The following HMCN1 variants were observed in gnomAD, a reference collection of about 807,000 sequenced individuals.
HMCN1 encodes the protein hemicentin-1.
HMCN1 carries 321 observed loss-of-function variants against 625.9 expected under a neutral mutation model. The ratio of observed to expected loss-of-function variants is 0.51; its 90% CI spans 0.47 to 0.56. HMCN1 has a LOEUF of 0.56. HMCN1 is among the 20% of genes least tolerant of loss of function. The probability of loss-of-function intolerance (pLI) is 0.00; values close to 1 mark genes in which losing one functional copy is unlikely to be tolerated. For missense variants in HMCN1, 6,588 were observed against 6,887.3 expected (o/e 0.96, Z 1.54); for synonymous variants, 2,425 against 2,417.6 (o/e 1.00, Z -0.09).
At chr1:186,166,988 T>C in intron 100 of HMCN1, 46 bp downstream of exon 100, 1 of 1,612,506 alleles carries the variant, frequency 6.2e-7, no homozygotes, top group South Asian at 1.1e-5. Flanking sequence ...CAGTAAGAAT[T>C]AGACCCACCT....
intron 4 of HMCN1, among the ~76,000 whole-genome samples, chr1:185,882,666 G>T (rs1664381217): frequency 1.3e-5 from 2 of 151,888 alleles, no homozygotes; most frequent in Admixed American, 1.3e-4. Flanking sequence ...ATAATACTTA[G>T]CTTTTATGAT....
chr1:186,122,958 A>C lies in HMCN1; in HGVS notation c.12237A>C (p.Pro4079=), dbSNP rs773476618. The change falls in exon 81 of 107, where the codon CCA becomes CCC. Residue 4079 remains proline, a synonymous_variant. Coordinates refer to ENST00000271588, the MANE Select transcript of HMCN1 (RefSeq NM_031935.3). The part of the protein sequence containing the change: ...GKIKLNVQVP[P]VISPHLKEYV... The stretch of plus-strand genomic sequence containing the variant: ...ATTTTTTGTATATTTTAGTTCCTCC[A>C]GTCATTAGCCCTCATCTAAAGGAAT... 12 of 1,613,658 alleles carry C rather than the reference A, an allele frequency of 7.4e-6. No individual in the cohort carries two copies. In the East Asian group the frequency reaches 2.2e-4, roughly 30 times the overall value.
intron 30 of HMCN1, among the ~76,000 whole-genome samples, chr1:186,009,493 A>G (rs1653854615): frequency 6.6e-6 from 1 of 152,182 alleles, no homozygotes; most frequent in African/African-American, 2.4e-5. Flanking sequence ...TGAAAAAAAA[A>G]AGTAAAACAG....
At chr1:185,840,193 A>G (rs1160127539) in intron 1 of HMCN1, among the ~76,000 whole-genome samples, 2 of 152,228 alleles carry the variant, frequency 1.3e-5, no homozygotes, top group South Asian at 2.1e-4. Context: ...TATGGAACGC[A>G]TGTATTGTAG....
At chr1:185,872,139 A>T (rs1248003818) in intron 4 of HMCN1, among the ~76,000 whole-genome samples, 1 of 152,214 alleles carries the variant, frequency 6.6e-6, no homozygotes, top group Non-Finnish European at 1.5e-5. Flanking sequence ...CCTGTGGAAA[A>T]TGGAATGGAG....
At chr1:186,084,928 A>G (rs1351228485) in intron 57 of HMCN1, among the ~76,000 whole-genome samples, 1 of 152,074 alleles carries the variant, frequency 6.6e-6, no homozygotes, top group Non-Finnish European at 1.5e-5. Flanking sequence ...TCAAAATTAC[A>G]CAGCTTGCAA....
chr1:186,043,788 G>A (rs1656366617), intron 40 of HMCN1, among the ~76,000 whole-genome samples: 1 of 152,070 alleles, frequency 6.6e-6, no homozygotes, highest in African/African-American at 2.4e-5. Context: ...GCACTAATTA[G>A]GCCAGGTGCA....
At chr1:186,172,474 T>C (rs1558280479) in intron 102 of HMCN1, among the ~76,000 whole-genome samples, 1 of 152,146 alleles carries the variant, frequency 6.6e-6, no homozygotes, top group Non-Finnish European at 1.5e-5. Context: ...GAAAGAAAAA[T>C]TATGTCTGTA....
At chr1:185,888,712 C>T (rs1244216282) in intron 4 of HMCN1, among the ~76,000 whole-genome samples, 4 of 146,728 alleles carry the variant, frequency 2.7e-5, no homozygotes, top group Admixed American at 1.3e-4. Context: ...GTTACTGTAG[C>T]CTTGTAGTAT....
intron 11 of HMCN1, among the ~76,000 whole-genome samples, chr1:185,952,800 G>A (rs1203203421): frequency 6.6e-6 from 1 of 151,650 alleles, no homozygotes; most frequent in African/African-American, 2.4e-5. Flanking sequence ...GGCAAGCCTA[G>A]AGAAAAAGAG....
intron 52 of HMCN1, among the ~76,000 whole-genome samples, chr1:186,073,177 T>C (rs1169494919): frequency 6.6e-6 from 1 of 152,048 alleles, no homozygotes; most frequent in Non-Finnish European, 1.5e-5. Flanking sequence ...GAGCGTAGTG[T>C]CCCAAAAGAT....
chr1:185,830,362 T>C (rs560986132), intron 1 of HMCN1, among the ~76,000 whole-genome samples: 1 of 152,340 alleles, frequency 6.6e-6, no homozygotes, highest in Non-Finnish European at 1.5e-5. Flanking sequence ...GGTTTTCTTC[T>C]AGGGTTTTTA....
intron 53 of HMCN1, 78 bp downstream of exon 53, chr1:186,074,969 T>A: frequency 8.1e-7 from 1 of 1,232,982 alleles, no homozygotes; most frequent in Non-Finnish European, 1.2e-6. Context: ...TGACTTATTT[T>A]AAACAGTGTT....
chr1:185,893,350 A>T (rs901318273), intron 4 of HMCN1, among the ~76,000 whole-genome samples: 1 of 152,140 alleles, frequency 6.6e-6, no homozygotes, highest in Non-Finnish European at 1.5e-5. Flanking sequence ...GGGAGACTTA[A>T]AAGCCTGAAA....
chr1:185,735,220 C>T (rs765941663), intron 1 of HMCN1, among the ~76,000 whole-genome samples, 173 bp downstream of exon 1: 13 of 152,144 alleles, frequency 8.5e-5, no homozygotes, highest in Non-Finnish European at 1.5e-4. Flanking sequence ...TCATTGATAC[C>T]TACTTAAGTC....
chr1:186,065,270 G>C lies in HMCN1; in HGVS notation c.7546G>C (p.Asp2516His), dbSNP rs926701175. The part of the protein sequence containing the change: ...NPVPEITWHK[D>H]GQPLQEDEAH... Reference sequence around the variant, plus strand: ...AGTGCCAGAAATTACATGGCACAAAGATGGGCAGCCCCTCCAAGAAGATGA... The same window carrying C: ...AGTGCCAGAAATTACATGGCACAAACATGGGCAGCCCCTCCAAGAAGATGA... The change falls in exon 49 of 107, where the codon GAT becomes CAT. Residue 2516 changes from aspartate (D) to histidine (H), a missense_variant. By Grantham distance (81) the Asp-to-His change is moderately conservative. This residue lies in a region of HMCN1 where 4,628 missense variants were observed against 4,853.1 expected (regional missense o/e 0.95). Coordinates refer to ENST00000271588, the MANE Select transcript of HMCN1 (RefSeq NM_031935.3). 6.2e-7 allele frequency: 1 copy of C among 1,612,464 alleles called. No individual in the cohort carries two copies. The highest frequency in any genetic ancestry group is 1.7e-5 in the Admixed American group (1 of 59,980).
chr1:185,970,252 G>T, intron 14 of HMCN1, 83 bp from the exon 15 acceptor site: 1 of 1,299,764 alleles, frequency 7.7e-7, no homozygotes, highest in Non-Finnish European at 1.1e-6. Flanking sequence ...AACTTTATTT[G>T]GAAGTTTTGA....
At chr1:185,943,812 TC>T (rs1668199226) in intron 11 of HMCN1, among the ~76,000 whole-genome samples, 1 of 152,162 alleles carries the variant, frequency 6.6e-6, no homozygotes, top group Non-Finnish European at 1.5e-5. Context: ...CTGTAACCCT[TC>T]GTCTTTCTGG....
chr1:185,754,817 C>T (rs1253844199), intron 1 of HMCN1, among the ~76,000 whole-genome samples: 1 of 152,062 alleles, frequency 6.6e-6, no homozygotes, highest in Non-Finnish European at 1.5e-5. Flanking sequence ...CATTGTACTC[C>T]AGCCTGGGCA....
Sources: gnomAD v4.1 joint callset for allele counts (sites outside exome capture counted in the v4.1 genomes callset) on GRCh38, gnomAD v4.1.1 for gene constraint, gnomAD v4.1.1 regional missense constraint, MANE v1.5 for transcripts, NCBI Gene and HGNC (gene_info 2026-07-23, HGNC 2026-07-21) for gene names.